The following DGKA variants were observed in gnomAD, a reference collection of about 807,000 sequenced individuals.
The protein encoded by DGKA is diacylglycerol kinase alpha.
DGKA carries 35 observed loss-of-function variants against 105.0 expected under a neutral mutation model. The observed-to-expected ratio is 0.33, with a 90% confidence interval of 0.25 to 0.44. The LOEUF is 0.44. Ranked by LOEUF, DGKA falls within the 20% of genes least tolerant of loss-of-function variation. The probability of loss-of-function intolerance (pLI) is 1.00; values close to 1 mark genes in which losing one functional copy is unlikely to be tolerated. For synonymous variants in DGKA, 296 were observed against 332.0 expected, an observed-to-expected ratio of 0.89 and a Z score of 1.18; for missense variants, 665 against 915.0, an observed-to-expected ratio of 0.73 and a Z score of 3.53.
chr12:55,938,129 T>C, intron 5 of DGKA, 77 bp downstream of exon 5: 1 of 1,334,488 alleles, frequency 7.5e-7, no homozygotes, highest in Non-Finnish European at 1.1e-6. Flanking sequence ...TTTCCCTTAT[T>C]CCTTCAGGAT....
At chr12:55,931,701 C>G (rs1565726147) in intron 1 of DGKA, 3 of 152,492 alleles carry the variant, frequency 2.0e-5, no homozygotes, top group African/African-American at 4.8e-5. Flanking sequence ...AACTGCCGAG[C>G]TGTTCTGTTA....
At chr12:55,942,976 C>T (rs1160624380) in intron 17 of DGKA, among the ~76,000 whole-genome samples, 1 of 152,048 alleles carries the variant, frequency 6.6e-6, no homozygotes, top group Admixed American at 6.6e-5. Flanking sequence ...ATTGGGGGAA[C>T]TGTAAGTCAT....
chr12:55,927,389 T>G, upstream of DGKA: 1 of 716,044 alleles, frequency 1.4e-6, no homozygotes, highest in Non-Finnish European at 2.5e-6. Context: ...ACAGTCCCTC[T>G]CATCCCCAGG....
rs769094079 is a variant in DGKA, at chr12:55,940,592, C to T, written c.919-32C>T. On this transcript the variant is annotated intron_variant, in intron 11 of 23. Coordinates refer to ENST00000331886, the MANE Select transcript of DGKA (RefSeq NM_001345.5). The surrounding 1 kb of genome is among the most constrained non-coding windows in gnomAD (Gnocchi z 4.3). The stretch of plus-strand genomic sequence containing the variant: ...GGTTGAGAGGAGACAGGGTTACCTT[C>T]GTGATCTCTCTGTGCCCACCTCGTC... 3 of 1,558,456 alleles carry T rather than the reference C, an allele frequency of 1.9e-6. No homozygotes were observed. In the South Asian group the frequency reaches 3.7e-5, roughly 19 times the overall value.
At position 55,938,573 on chromosome 12, in the gene DGKA, C is replaced by T. The variant is rs1245342093; in HGVS notation, c.399+13C>T. The T allele has an allele frequency of 6.2e-7, 1 of 1,613,940 alleles. No individual in the cohort carries two copies. Among genetic ancestry groups the T allele is most frequent in the Non-Finnish European group, 8.5e-7 (1 of 1,179,986 alleles). On this transcript the variant is annotated intron_variant, in intron 6 of 23. Coordinates refer to ENST00000331886, the MANE Select transcript of DGKA (RefSeq NM_001345.5). ...CCTGGACAGCTCAGTGAGTTGGGGA[C>T]CCTGTATGCTGGGCAAGGGAATATG...
Position 55,932,709 on chromosome 12 carries a change from GCACACACACACACACACACACACA to G in DGKA, c.-82+1374_-82+1397del, listed in dbSNP as rs57799285. Reference sequence around the variant, plus strand: ...ACACCCTCTACACACACACACACACGCACACACACACACACACACACACACACACACAACCCCCTCAGCCAGGTG... The same window carrying G: ...ACACCCTCTACACACACACACACACGCACACACAACCCCCTCAGCCAGGTG... On this transcript the variant is annotated intron_variant, in intron 1 of 23. Coordinates refer to ENST00000331886, the MANE Select transcript of DGKA (RefSeq NM_001345.5). The surrounding 1 kb of genome is among the most constrained non-coding windows in gnomAD (Gnocchi z 4.3). The G allele has an allele frequency of 2.2e-6, 1 of 456,748 alleles. No homozygotes were observed. The highest frequency in any genetic ancestry group is 4.1e-6 in the Non-Finnish European group (1 of 246,440). 28.3% of individuals were successfully genotyped at this position (456,748 alleles called of 1,614,324 possible). A position where few individuals can be genotyped will look rare whatever the true frequency, so the allele number is the denominator to read the frequency against.
intron 17 of DGKA, 80 bp downstream of exon 17, chr12:55,942,343 C>A: frequency 7.5e-7 from 1 of 1,326,350 alleles, no homozygotes; most frequent in Non-Finnish European, 1.1e-6. Flanking sequence ...AGAAACTAGG[C>A]ATCTGGTATG....
chr12:55,936,191 A>C, intron 1 of DGKA: 1 of 547,972 alleles, frequency 1.8e-6, no homozygotes, highest in Non-Finnish European at 2.7e-6. Context: ...AGGATCCAGA[A>C]ATGGAGAGAC....
At chr12:55,928,676 CAAAAAAAAAAAAAAAAA>C (rs56280303), upstream of DGKA, among the ~76,000 whole-genome samples, 9 of 47,258 alleles carry the variant, frequency 1.9e-4, no homozygotes, top group African/African-American at 7.9e-4. Context: ...GACCCCGTCT[CAAAAAAAAAAAAAAAAA>C]AAAAAAAAAA....
intron 1 of DGKA, chr12:55,935,764 G>A (rs1422937638): frequency 5.5e-6 from 3 of 541,350 alleles, no homozygotes; most frequent in Admixed American, 1.3e-4. Flanking sequence ...TTCCCTAGTG[G>A]AGCTCCGCGG....
At position 55,952,285 on chromosome 12, in the gene DGKA, G is replaced by A; in HGVS notation, c.1653-56G>A. The A allele has an allele frequency of 6.4e-7, 1 of 1,574,380 alleles. No individual in the cohort carries two copies. Among genetic ancestry groups the A allele is most frequent in the Non-Finnish European group, 8.7e-7 (1 of 1,143,874 alleles). On this transcript the variant is annotated intron_variant, in intron 19 of 23. Coordinates refer to ENST00000331886, the MANE Select transcript of DGKA (RefSeq NM_001345.5). The surrounding 1 kb of genome is among the most constrained non-coding windows in gnomAD (Gnocchi z 5.1). ...CCCTTCCCTGTCACGTACCACCCCT[G>A]CCAGCACTGTGTAACCTGTCCCTCC...
Position 55,953,141 on chromosome 12 carries a change from T to A in DGKA, c.2044T>A (p.Cys682Ser). The A allele has an allele frequency of 6.2e-7, 1 of 1,614,026 alleles. No individual in the cohort carries two copies. ...GAATGCTGGACGTCGGCTGGCCAAG[T>A]GCTCTGAGATCACCTTCCAGTAAGG... ...LKNAGRRLAK[C>S]SEITFHTTKT... is the part of the protein sequence containing the mutation. Residue 682 changes from cysteine to serine, a missense_variant, in exon 22 of 24, where the codon TGC becomes AGC. Around this residue, in one of 3 missense-constraint regions of DGKA, gnomAD observed 158 missense variants for 213.4 expected, o/e 0.74. Coordinates refer to ENST00000331886, the MANE Select transcript of DGKA (RefSeq NM_001345.5).
chr12:55,938,387 TC>T, intron 5 of DGKA, 123 bp from the exon 6 acceptor site: 1 of 1,243,358 alleles, frequency 8.0e-7, no homozygotes, highest in Non-Finnish European at 1.2e-6. Context: ...CTCAGTCCCA[TC>T]CCAGGCTCTA....
chr12:55,945,622 C>T (rs1306403829), intron 17 of DGKA, among the ~76,000 whole-genome samples: 1 of 152,138 alleles, frequency 6.6e-6, no homozygotes, highest in Non-Finnish European at 1.5e-5. Flanking sequence ...CATTCTTTGG[C>T]TCAAGGTCCC....
At position 55,937,958 on chromosome 12, in the gene DGKA, A is replaced by T. The variant is rs1167326409; in HGVS notation, c.275-20A>T. 2 of 1,612,956 alleles carry T rather than the reference A, an allele frequency of 1.2e-6. No individual in the cohort carries two copies. The highest frequency in any genetic ancestry group is 1.7e-6 in the Non-Finnish European group (2 of 1,179,044). ...AAAGTGGAGGGAGCCCTGACTTCTG[A>T]TCTGCTTTTTTGTAACCAGATGTGG... On this transcript the variant is annotated intron_variant, in intron 4 of 23. Coordinates refer to ENST00000331886, the MANE Select transcript of DGKA (RefSeq NM_001345.5).
chr12:55,934,466 G>A (rs1441428871), intron 1 of DGKA, among the ~76,000 whole-genome samples: 1 of 152,160 alleles, frequency 6.6e-6, no homozygotes. Flanking sequence ...TTCCCAGAGA[G>A]CTGCTGGAAT....
intron 17 of DGKA, among the ~76,000 whole-genome samples, chr12:55,944,924 C>T (rs914090980): frequency 3.0e-4 from 45 of 152,164 alleles, no homozygotes; most frequent in Non-Finnish European, 7.3e-5. Context: ...CTTACCCTCC[C>T]GAGTAGCTGG....
At chr12:55,946,984 CTTTT>C (rs1233832786) in intron 17 of DGKA, among the ~76,000 whole-genome samples, 3 of 127,878 alleles carry the variant, frequency 2.3e-5, no homozygotes, top group Middle Eastern at 3.7e-3. Flanking sequence ...TCCTTTCTTT[CTTTT>C]TTTTTTTTTT....
At position 55,952,970 on chromosome 12, in the gene DGKA, G is replaced by A. The variant is rs755815550; in HGVS notation, c.1942+38G>A. ...GCCTTGGGAGCTGAGTGGGCAGGAC[G>A]AAGGGAAAGTGTGACTCCCTATGGG... On this transcript the variant is annotated intron_variant, in intron 21 of 23. Coordinates refer to ENST00000331886, the MANE Select transcript of DGKA (RefSeq NM_001345.5). This position sits in a 1 kb window ranked among gnomAD's most constrained non-coding sequence, Gnocchi z 5.1. 1.9e-5 allele frequency: 30 copies of A among 1,613,858 alleles called. No homozygotes were observed. The highest frequency in any genetic ancestry group is 8.0e-5 in the African/African-American group (6 of 74,894).
Sources: gnomAD v4.1 joint callset for allele counts (sites outside exome capture counted in the v4.1 genomes callset) on GRCh38, gnomAD v4.1.1 for gene constraint, gnomAD v4.1.1 regional missense constraint, Gnocchi (gnomAD v3.1) non-coding constraint, MANE v1.5 for transcripts, NCBI Gene and HGNC (gene_info 2026-07-23, HGNC 2026-07-21) for gene names.